The following AGO3 variants were observed in gnomAD, a reference collection of about 807,000 sequenced individuals.
The protein encoded by AGO3 is protein argonaute-3.
A neutral mutation model predicts 105.5 loss-of-function variants in AGO3; 16 were observed. The ratio of observed to expected loss-of-function variants is 0.15; its 90% CI spans 0.10 to 0.23. The LOEUF is 0.23. Among genes scored for constraint, AGO3 ranks in the 10% least tolerant of loss-of-function variants. AGO3 has a pLI of 1.00. For synonymous variants in AGO3, 340 were observed against 367.3 expected (o/e 0.93, Z 0.85); for missense variants, 534 against 1,088.0 (o/e 0.49, Z 7.16).
In AGO3 at chr1:36,043,416, G is replaced by T. The variant is rs1254638861; in HGVS notation, c.2173-31G>T. The stretch of plus-strand genomic sequence containing the variant: ...TCAGATATATTTTTACCTTTTTCTT[G>T]TTTGTTTAAACTTTAACCAAACAAA... On this transcript the variant is annotated intron_variant, in intron 16 of 18. Coordinates refer to ENST00000373191, the MANE Select transcript of AGO3 (RefSeq NM_024852.4). 6 of 1,562,086 alleles carry T rather than the reference G, an allele frequency of 3.8e-6. No individual in the cohort carries two copies. The African/African-American group carries it at 4.1e-5, about 11-fold the overall frequency.
Position 36,055,127 on chromosome 1 carries a change from T to C in AGO3, c.2456T>C (p.Val819Ala). Residue 819 changes from valine to alanine, a missense_variant, in exon 18 of 19, where the codon GTG becomes GCG. By Grantham distance (64) the Val-to-Ala change is moderately conservative. Around this residue, in one of 2 missense-constraint regions of AGO3, gnomAD observed 373 missense variants for 854.0 expected, o/e 0.44. Coordinates refer to ENST00000373191, the MANE Select transcript of AGO3 (RefSeq NM_024852.4). The surrounding 1 kb of genome is among the most constrained non-coding windows in gnomAD (Gnocchi z 4.4). ...LVAFRARYHLVDKEHDSAEGS... is the reference protein window; with the variant it reads ...LVAFRARYHLADKEHDSAEGS... ...GCATTTAGAGCCAGATATCATCTTG[T>C]GGACAAAGAACATGACAGGTAATAT... 1.9e-6 allele frequency: 3 copies of C among 1,607,266 alleles called. No homozygotes were observed. Among genetic ancestry groups the C allele is most frequent in the Non-Finnish European group, 2.6e-6 (3 of 1,176,232 alleles).
At position 35,931,412 on chromosome 1, in the gene AGO3, C is replaced by T; in HGVS notation, c.-15C>T. Reference sequence around the variant, plus strand: ...GGCTCCGTTCTCCCTCGAAGCACTCCCCCCAGCTCCATGAATGGAAATCGG... The same window carrying T: ...GGCTCCGTTCTCCCTCGAAGCACTCTCCCCAGCTCCATGAATGGAAATCGG... On this transcript the variant is annotated 5_prime_UTR_variant, in exon 1 of 19. Coordinates refer to ENST00000373191, the MANE Select transcript of AGO3 (RefSeq NM_024852.4). The T allele has an allele frequency of 6.7e-7, 1 of 1,491,874 alleles. No individual in the cohort carries two copies. The highest frequency in any genetic ancestry group is 8.9e-7 in the Non-Finnish European group (1 of 1,118,782). The allele number at this position is 1,491,874 out of a possible 1,614,324, so 92.4% of individuals were successfully genotyped here.
At chr1:35,971,134 A>G (rs1646862458) in intron 3 of AGO3, among the ~76,000 whole-genome samples, 1 of 146,732 alleles carries the variant, frequency 6.8e-6, no homozygotes, top group Non-Finnish European at 1.5e-5. Context: ...ATAAATTATA[A>G]ATTTATAAAT....
intron 5 of AGO3, among the ~76,000 whole-genome samples, chr1:35,996,289 T>C (rs576445832): frequency 7.8e-4 from 118 of 151,420 alleles, no homozygotes; most frequent in African/African-American, 2.7e-3. Context: ...ACCACTGTAC[T>C]TCTGCCAGGG....
At chr1:35,997,366 C>G (rs557579535) in intron 5 of AGO3, among the ~76,000 whole-genome samples, 27 of 152,204 alleles carry the variant, frequency 1.8e-4, no homozygotes, top group African/African-American at 5.3e-4. Context: ...GTTTGACTTC[C>G]GATTTTTCAA....
At position 36,040,452 on chromosome 1, in the gene AGO3, C is replaced by T; in HGVS notation, c.2172+11C>T. 6.2e-7 allele frequency: 1 copy of T among 1,613,834 alleles called. No homozygotes were observed. The highest frequency in any genetic ancestry group is 8.5e-7 in the Non-Finnish European group (1 of 1,179,866). On this transcript the variant is annotated intron_variant, in intron 16 of 18. Transcript: ENST00000373191. Reference sequence around the variant, plus strand: ...GATAGGACAGAAAGGGTAATCTCACCTCTGTTGTAATACTGTTATAAACCA... The same window carrying T: ...GATAGGACAGAAAGGGTAATCTCACTTCTGTTGTAATACTGTTATAAACCA...
chr1:36,007,616 A>G (rs980771826), intron 6 of AGO3, among the ~76,000 whole-genome samples: 1 of 151,916 alleles, frequency 6.6e-6, no homozygotes, highest in Non-Finnish European at 1.5e-5. Flanking sequence ...GAATCACATT[A>G]ACCCTGGAGA....
intron 3 of AGO3, among the ~76,000 whole-genome samples, chr1:35,967,792 A>T (rs1423743120): frequency 1.3e-5 from 2 of 152,180 alleles, no homozygotes; most frequent in African/African-American, 4.8e-5. Flanking sequence ...ATTAAATTTA[A>T]CATTGATATG....
At chr1:35,965,199 A>C (rs1646749833) in intron 2 of AGO3, among the ~76,000 whole-genome samples, 1 of 152,040 alleles carries the variant, frequency 6.6e-6, no homozygotes, top group African/African-American at 2.4e-5. Flanking sequence ...TCACCTAAGA[A>C]ACCAGATTTT....
At chr1:36,025,811 G>A (rs1332208678) in intron 11 of AGO3, among the ~76,000 whole-genome samples, 1 of 152,158 alleles carries the variant, frequency 6.6e-6, no homozygotes, top group African/African-American at 2.4e-5. Context: ...GCCGAGGTGG[G>A]TGGATGGCCT....
chr1:35,935,605 A>C (rs1042919929), intron 1 of AGO3, among the ~76,000 whole-genome samples: 1 of 152,254 alleles, frequency 6.6e-6, no homozygotes, highest in Non-Finnish European at 1.5e-5. Context: ...ACAGTATGCA[A>C]AGAGGCCTGG....
Position 35,972,049 on chromosome 1 carries a change from G to A in AGO3, c.338G>A (p.Gly113Glu). The change falls in exon 4 of 19, where the codon GGG (glycine) becomes GAG (glutamate). Residue 113 changes from glycine (G) to glutamate (E), a missense_variant. Gly to Glu is a moderately conservative substitution (Grantham distance 98, BLOSUM62 -2). Coordinates refer to ENST00000373191, the MANE Select transcript of AGO3 (RefSeq NM_024852.4). ...TGVDLDVTLP[G>E]EGGKDRPFKV... ...GTAGATTTAGACGTTACTTTACCTG[G>A]GGAAGGTGGAAAAGATCGACCTTTC... is the stretch of plus-strand genomic sequence containing the variant. 1.2e-6 allele frequency: 2 copies of A among 1,613,832 alleles called. No individual in the cohort carries two copies. The highest frequency in any genetic ancestry group is 1.7e-6 in the Non-Finnish European group (2 of 1,179,994).
rs1216274279 is a variant in AGO3, at chr1:36,067,947, CTTGA to C, written c.*12205_*12208del. On this transcript the variant is annotated 3_prime_UTR_variant, in exon 19 of 19. Transcript: ENST00000373191. ...AAGAATCACATGCCACAAGCTATAG[CTTGA>C]TTAATATTTTAGCATGTTTTCCATG... 6.6e-6 allele frequency: 1 copy of C among 152,164 alleles called. No homozygotes were observed. Among genetic ancestry groups the C allele is most frequent in the Non-Finnish European group, 1.5e-5 (1 of 68,030 alleles). The allele number at this position is 152,164 out of a possible 1,614,324, so 9.4% of individuals were successfully genotyped here. A position where few individuals can be genotyped will look rare whatever the true frequency, so the allele number is the denominator to read the frequency against.
rs1194181664 is a variant in AGO3, at chr1:36,061,635, A to G, written c.*5890A>G. 6.6e-6 allele frequency: 1 copy of G among 152,156 alleles called. No individual in the cohort carries two copies. The highest frequency in any genetic ancestry group is 2.4e-5 in the African/African-American group (1 of 41,436). 9.4% of individuals were successfully genotyped at this position (152,156 alleles called of 1,614,324 possible). A position where few individuals can be genotyped will look rare whatever the true frequency, so the allele number is the denominator to read the frequency against. On this transcript the variant is annotated 3_prime_UTR_variant, in exon 19 of 19. Transcript: ENST00000373191. ...AGCCATCGGGGTCCCTTCCTTTTTT[A>G]GACTAATTTCTAAGGTAACCAGAAT... is the stretch of plus-strand genomic sequence containing the variant.
intron 6 of AGO3, among the ~76,000 whole-genome samples, chr1:36,006,404 T>A (rs1482960685): frequency 1.3e-5 from 2 of 152,060 alleles, no homozygotes; most frequent in Non-Finnish European, 2.9e-5. Context: ...GGAAAATGTA[T>A]AAGTACCATA....
At chr1:35,987,929 A>G (rs1046163451) in intron 5 of AGO3, among the ~76,000 whole-genome samples, 4 of 151,900 alleles carry the variant, frequency 2.6e-5, no homozygotes, top group African/African-American at 7.2e-5. Context: ...TCAGCTGGGC[A>G]TGGTGGCGCA....
chr1:36,001,370 G>A (rs1640074952), intron 5 of AGO3, among the ~76,000 whole-genome samples: 1 of 152,146 alleles, frequency 6.6e-6, no homozygotes, highest in Non-Finnish European at 1.5e-5. Context: ...GTTTGTAATA[G>A]TAAAAAACAA....
intron 2 of AGO3, among the ~76,000 whole-genome samples, chr1:35,954,206 A>G (rs1646523791): frequency 6.6e-6 from 1 of 152,200 alleles, no homozygotes; most frequent in Non-Finnish European, 1.5e-5. Context: ...CACTTGGAAG[A>G]TAGGAAAGTT....
intron 1 of AGO3, among the ~76,000 whole-genome samples, chr1:35,944,473 G>A (rs1646321229): frequency 6.9e-6 from 1 of 144,540 alleles, no homozygotes; most frequent in Admixed American, 6.9e-5. Flanking sequence ...TTTCACTTCT[G>A]TTATTAGTTA....
Sources: allele counts gnomAD v4.1 joint callset (sites outside exome capture counted in the v4.1 genomes callset), GRCh38; gene constraint gnomAD v4.1.1; regional missense constraint gnomAD v4.1.1; non-coding constraint Gnocchi (gnomAD v3.1); transcripts MANE v1.5; gene names NCBI Gene and HGNC (gene_info 2026-07-23, HGNC 2026-07-21).